MKLN1: variants seen among roughly 807,000 people sequenced by gnomAD.
MKLN1 encodes the protein muskelin.
Under a neutral mutation model 99.0 loss-of-function variants are expected in MKLN1, and 18 were observed. That is an observed-to-expected ratio of 0.18 (90% CI 0.13 to 0.27). The LOEUF (loss-of-function observed/expected upper bound fraction) is 0.27. MKLN1 is among the 10% of genes least tolerant of loss of function. MKLN1 has a pLI of 1.00. For missense variants in MKLN1, 621 were observed against 875.9 expected (o/e 0.71, Z 3.67); for synonymous variants, 288 against 293.2 (o/e 0.98, Z 0.18).
intron 16 of MKLN1, among the ~76,000 whole-genome samples, chr7:131,474,304 T>TA (rs1319770871): frequency 1.3e-5 from 2 of 152,204 alleles, no homozygotes; most frequent in East Asian, 3.8e-4. Context: ...AGGATGGAGT[T>TA]ACTATCAACT....
chr7:131,288,046 G>A (rs1189490052), intron 3 of MKLN1, among the ~76,000 whole-genome samples: 1 of 152,172 alleles, frequency 6.6e-6, no homozygotes, highest in South Asian at 2.1e-4. Flanking sequence ...GGTTCCAGTA[G>A]TATCTTTAAA....
intron 3 of MKLN1, chr7:131,243,132 T>C (rs1797431691): frequency 3.0e-6 from 1 of 335,172 alleles, no homozygotes; most frequent in Non-Finnish European, 5.9e-6. Context: ...AAATTACATA[T>C]AAATACGTAA....
intron 3 of MKLN1, among the ~76,000 whole-genome samples, chr7:131,215,807 G>A (rs1318716687): frequency 6.6e-6 from 1 of 152,116 alleles, no homozygotes; most frequent in Non-Finnish European, 1.5e-5. Context: ...TCCTGTCTGT[G>A]TCCTTTCTTC....
At chr7:131,248,926 T>G (rs1275271523) in intron 3 of MKLN1, among the ~76,000 whole-genome samples, 1 of 152,238 alleles carries the variant, frequency 6.6e-6, no homozygotes, top group Non-Finnish European at 1.5e-5. Context: ...TTTGATTTAC[T>G]TACTTATCTA....
chr7:131,152,681 G>A (rs543373058), intron 2 of MKLN1, among the ~76,000 whole-genome samples: 1 of 151,652 alleles, frequency 6.6e-6, no homozygotes, highest in East Asian at 1.9e-4. Context: ...TATATTTTTA[G>A]TACAGACAGG....
chr7:131,447,988 G>A (rs1450247346), intron 12 of MKLN1, among the ~76,000 whole-genome samples: 1 of 152,172 alleles, frequency 6.6e-6, no homozygotes, highest in Non-Finnish European at 1.5e-5. Flanking sequence ...CAGCAGTTTG[G>A]GAGGCCAAGA....
chr7:131,396,076 A>T (rs974094615), intron 4 of MKLN1, among the ~76,000 whole-genome samples: 1 of 151,888 alleles, frequency 6.6e-6, no homozygotes, highest in African/African-American at 2.4e-5. Flanking sequence ...ATATATATAT[A>T]TATTTTTTTC....
intron 1 of MKLN1, among the ~76,000 whole-genome samples, chr7:131,359,456 G>A (rs1289032506): frequency 2.6e-5 from 4 of 152,110 alleles, no homozygotes; most frequent in African/African-American, 7.2e-5. Context: ...AGAAGAATAC[G>A]TATTCTGCTG....
intron 3 of MKLN1, among the ~76,000 whole-genome samples, chr7:131,316,839 A>G (rs543081916): frequency 1.6e-4 from 24 of 152,312 alleles, no homozygotes; most frequent in African/African-American, 5.5e-4. Context: ...GAAACAATCA[A>G]GTGGAAGAAA....
upstream of MKLN1, chr7:131,323,710 G>C (rs1478808610): frequency 6.6e-6 from 1 of 152,128 alleles, no homozygotes; most frequent in Non-Finnish European, 1.5e-5. Context: ...CCAAAGCCAG[G>C]AATGTGTTTA....
intron 1 of MKLN1, among the ~76,000 whole-genome samples, chr7:131,340,774 A>G (rs1017725777): frequency 1.3e-5 from 2 of 152,180 alleles, no homozygotes; most frequent in African/African-American, 4.8e-5. Flanking sequence ...GTTTTGGTTT[A>G]GGACTGTAAG....
intron 1 of MKLN1, among the ~76,000 whole-genome samples, chr7:131,332,724 T>C (rs1799115281): frequency 6.6e-6 from 1 of 152,054 alleles, no homozygotes; most frequent in Non-Finnish European, 1.5e-5. Context: ...ATATAGTAAA[T>C]ACTTCCTTAT....
chr7:131,129,533 C>A (rs2116221978), intron 1 of MKLN1, among the ~76,000 whole-genome samples: 1 of 152,136 alleles, frequency 6.6e-6, no homozygotes, highest in East Asian at 1.9e-4. Flanking sequence ...CAATAAAAAG[C>A]AGGTTATGGA....
chr7:131,157,395 C>G (rs750762724), intron 2 of MKLN1, among the ~76,000 whole-genome samples: 1 of 152,106 alleles, frequency 6.6e-6, no homozygotes, highest in Non-Finnish European at 1.5e-5. Flanking sequence ...GAGACACTGT[C>G]TTAAAAATAA....
At chr7:131,165,752 A>G (rs1016935611) in intron 2 of MKLN1, among the ~76,000 whole-genome samples, 2 of 152,160 alleles carry the variant, frequency 1.3e-5, no homozygotes. Flanking sequence ...TTTGCTAGGA[A>G]GATTGTTCTA....
At chr7:131,242,799 T>C (rs1797425439) in intron 3 of MKLN1, 2 of 676,606 alleles carry the variant, frequency 3.0e-6, no homozygotes, top group Admixed American at 1.9e-5. Flanking sequence ...AAAGATCAAG[T>C]CTTTTGTGAA....
chr7:131,408,126 G>C (rs945577371), intron 6 of MKLN1, among the ~76,000 whole-genome samples: 1 of 151,948 alleles, frequency 6.6e-6, no homozygotes, highest in Admixed American at 6.6e-5. Context: ...TGCTTAAGAT[G>C]GTGTATCTAG....
chr7:131,382,672 A>G (rs967569017), intron 2 of MKLN1, among the ~76,000 whole-genome samples: 2 of 151,982 alleles, frequency 1.3e-5, no homozygotes, highest in African/African-American at 4.8e-5. Flanking sequence ...TTCTGTTCCA[A>G]TATTAGAGGG....
intron 11 of MKLN1, 76 bp downstream of exon 11, chr7:131,443,778 A>G (rs923670643): frequency 1.8e-6 from 2 of 1,118,502 alleles, no homozygotes; most frequent in South Asian, 1.3e-5. Flanking sequence ...GGTGAAATCT[A>G]ATTCTTTAGG....
Sources: gnomAD v4.1 joint callset for allele counts (sites outside exome capture counted in the v4.1 genomes callset) on GRCh38, gnomAD v4.1.1 for gene constraint, MANE v1.5 for transcripts, NCBI Gene and HGNC (gene_info 2026-07-23, HGNC 2026-07-21) for gene names.